The following SUCLG2 variants were observed in gnomAD, a reference collection of about 807,000 sequenced individuals.
The protein encoded by SUCLG2 is succinate-CoA ligase GDP-forming subunit beta, also known as succinate--CoA ligase [GDP-forming] subunit beta, mitochondrial.
A neutral mutation model predicts 47.9 loss-of-function variants in SUCLG2; 42 were observed. The ratio of observed to expected loss-of-function variants is 0.88; its 90% CI spans 0.69 to 1.14. The LOEUF is 1.14. SUCLG2 is among the 50% of genes most tolerant of loss of function. The probability of loss-of-function intolerance (pLI) is 0.00; values close to 1 mark genes in which losing one functional copy is unlikely to be tolerated. For missense variants in SUCLG2, 571 were observed against 525.9 expected (o/e 1.09, Z -0.84); for synonymous variants, 195 against 197.3 (o/e 0.99, Z 0.10).
chr3:67,434,998 C>T (rs1703580897), intron 9 of SUCLG2, among the ~76,000 whole-genome samples: 1 of 152,182 alleles, frequency 6.6e-6, no homozygotes, highest in Non-Finnish European at 1.5e-5. Flanking sequence ...TGTACTTGTG[C>T]TTCTAAATGA....
chr3:67,609,454 CT>C lies in SUCLG2; in HGVS notation c.226del (p.Asn76MetfsTer7), dbSNP rs770992795. On this transcript the variant is annotated frameshift_variant and splice_region_variant, in exon 2 of 11. Transcript: ENST00000307227. LOFTEE classifies it high-confidence loss of function. ...NEALEAAKRL[N>X]AKEIVLKAQI... The stretch of plus-strand genomic sequence containing the variant: ...ATTTCACCCATTATGAATCAGCTTA[CT>C]TAGTCTCTTAGCAGCCTCGAGAGCT... The C allele has an allele frequency of 1.2e-6, 2 of 1,611,242 alleles. No individual in the cohort carries two copies. The highest frequency in any genetic ancestry group is 1.7e-6 in the Non-Finnish European group (2 of 1,179,350).
At chr3:67,424,396 C>T (rs559013374) in intron 9 of SUCLG2, among the ~76,000 whole-genome samples, 13 of 152,254 alleles carry the variant, frequency 8.5e-5, no homozygotes, top group East Asian at 5.8e-4. Flanking sequence ...CTTCTCTGGA[C>T]GGACTCTAGT....
intron 1 of SUCLG2, among the ~76,000 whole-genome samples, chr3:67,611,129 T>A (rs9818900): frequency 6.6e-6 from 1 of 151,980 alleles, no homozygotes; most frequent in Non-Finnish European, 1.5e-5. Flanking sequence ...GTCCTTAAGA[T>A]GTGAAATAAA....
intron 2 of SUCLG2, among the ~76,000 whole-genome samples, chr3:67,552,748 G>C (rs1707051497): frequency 6.6e-6 from 1 of 152,168 alleles, no homozygotes; most frequent in Admixed American, 6.5e-5. Flanking sequence ...AGAATTCAAG[G>C]ATGCAATCTA....
chr3:67,599,379 G>T (rs1352650581), intron 2 of SUCLG2, among the ~76,000 whole-genome samples: 1 of 152,196 alleles, frequency 6.6e-6, no homozygotes, highest in East Asian at 1.9e-4. Flanking sequence ...AATTGTGACT[G>T]CGTCATGCAC....
At chr3:67,363,662 T>A (rs116094992) in intron 10 of SUCLG2, among the ~76,000 whole-genome samples, 3,022 of 152,284 alleles carry the variant, frequency 0.02, 100 homozygotes, top group African/African-American at 0.068. Flanking sequence ...TTATTTCATC[T>A]TTTACAATTT....
downstream of SUCLG2, among the ~76,000 whole-genome samples, chr3:67,371,666 C>A (rs993125213): frequency 1.3e-5 from 2 of 152,176 alleles, no homozygotes; most frequent in Non-Finnish European, 2.9e-5. Context: ...GTATGAGATA[C>A]ACAGGGCAAG....
At chr3:67,589,008 C>G (rs1708092902) in intron 2 of SUCLG2, among the ~76,000 whole-genome samples, 1 of 152,182 alleles carries the variant, frequency 6.6e-6, no homozygotes, top group Non-Finnish European at 1.5e-5. Context: ...TAAGACCCTG[C>G]CCATCCCTCT....
intron 10 of SUCLG2, among the ~76,000 whole-genome samples, chr3:67,395,698 C>A (rs1490861319): frequency 2.6e-5 from 4 of 152,134 alleles, no homozygotes; most frequent in African/African-American, 9.7e-5. Flanking sequence ...AACTCTCCAC[C>A]CCAAATCAAC....
chr3:67,583,865 T>C (rs966543197), intron 2 of SUCLG2, among the ~76,000 whole-genome samples: 20 of 152,234 alleles, frequency 1.3e-4, no homozygotes, highest in African/African-American at 4.8e-4. Context: ...TACTTCCTCT[T>C]GTGCTTTTAA....
chr3:67,421,660 C>T (rs1228012482), intron 9 of SUCLG2, among the ~76,000 whole-genome samples: 3 of 152,176 alleles, frequency 2.0e-5, no homozygotes, highest in African/African-American at 4.8e-5. Context: ...AAATGTTTTA[C>T]TGCTATAAAA....
At chr3:67,569,895 C>G (rs924452346) in intron 2 of SUCLG2, among the ~76,000 whole-genome samples, 1 of 152,152 alleles carries the variant, frequency 6.6e-6, no homozygotes, top group African/African-American at 2.4e-5. Context: ...ATGCAGAAGG[C>G]AGAATGCTAT....
chr3:67,648,748 C>A (rs1701235955), intron 1 of SUCLG2, among the ~76,000 whole-genome samples: 1 of 152,144 alleles, frequency 6.6e-6, no homozygotes, highest in South Asian at 2.1e-4. Flanking sequence ...ATTTCTATAG[C>A]CCCTTCCTTC....
intron 10 of SUCLG2, among the ~76,000 whole-genome samples, chr3:67,398,427 T>G (rs1221821467): frequency 6.6e-6 from 1 of 151,632 alleles, no homozygotes; most frequent in South Asian, 2.1e-4. Flanking sequence ...AAAATGCTCA[T>G]CATCACTGGC....
At chr3:67,371,832 C>A (rs1031721566), downstream of SUCLG2, among the ~76,000 whole-genome samples, 1 of 152,126 alleles carries the variant, frequency 6.6e-6, no homozygotes, top group South Asian at 2.1e-4. Context: ...AATCCTGACT[C>A]GCCACATGCT....
intron 9 of SUCLG2, among the ~76,000 whole-genome samples, chr3:67,458,856 A>C (rs962789502): frequency 6.6e-6 from 1 of 152,218 alleles, no homozygotes; most frequent in Non-Finnish European, 1.5e-5. Context: ...TTAAAAAAGA[A>C]ATGGCAAATG....
chr3:67,538,617 G>C (rs1000796086), intron 2 of SUCLG2, among the ~76,000 whole-genome samples: 1 of 152,162 alleles, frequency 6.6e-6, no homozygotes, highest in Non-Finnish European at 1.5e-5. Flanking sequence ...TAGCTTCATG[G>C]GGATAGCATT....
intron 9 of SUCLG2, among the ~76,000 whole-genome samples, chr3:67,494,114 T>C (rs898642297): frequency 2.6e-5 from 4 of 152,154 alleles, no homozygotes; most frequent in African/African-American, 9.7e-5. Context: ...GTACTACCAA[T>C]ATAAGACAAA....
At chr3:67,433,801 TAAA>T (rs74541880) in intron 9 of SUCLG2, among the ~76,000 whole-genome samples, 1 of 135,082 alleles carries the variant, frequency 7.4e-6, no homozygotes. Flanking sequence ...CGGGATTTAG[TAAA>T]AAAAAAAAAA....
Sources: gnomAD v4.1 joint callset for allele counts (sites outside exome capture counted in the v4.1 genomes callset) on GRCh38, gnomAD v4.1.1 for gene constraint, MANE v1.5 for transcripts, NCBI Gene and HGNC (gene_info 2026-07-23, HGNC 2026-07-21) for gene names.